The following DNAH6 variants were observed in gnomAD, a reference collection of about 807,000 sequenced individuals.
DNAH6 encodes the protein dynein axonemal heavy chain 6.
In DNAH6, 340 loss-of-function variants were observed where a neutral mutation model predicts 491.4. The ratio of observed to expected loss-of-function variants is 0.69; its 90% CI spans 0.63 to 0.76. DNAH6 has a LOEUF of 0.76. Ranked by LOEUF, DNAH6 falls within the 30% of genes least tolerant of loss-of-function variation. DNAH6 has a pLI of 0.00. For missense variants in DNAH6, 4,443 were observed against 4,972.2 expected, an observed-to-expected ratio of 0.89 and a Z score of 3.20; for synonymous variants, 1,603 against 1,686.1, an observed-to-expected ratio of 0.95 and a Z score of 1.21.
At chr2:84,595,047 G>A (rs760191088) in intron 17 of DNAH6, among the ~76,000 whole-genome samples, 2 of 152,078 alleles carry the variant, frequency 1.3e-5, no homozygotes, top group Admixed American at 6.6e-5. Context: ...GGCTTCCACC[G>A]TAGGATGCAT....
the DNAH6 span, among the ~76,000 whole-genome samples, chr2:84,493,812 A>G: frequency 6.6e-6 from 1 of 152,202 alleles, no homozygotes; most frequent in African/African-American, 2.4e-5. Flanking sequence ...AAGATGAGTA[A>G]AGGGGTGAGA....
chr2:84,588,895 G>T lies in DNAH6; in HGVS notation c.2551G>T (p.Val851Phe), dbSNP rs1213334251. Residue 851 changes from valine to phenylalanine, a missense_variant, in exon 16 of 77, where the codon GTT becomes TTT. By Grantham distance (50) the Val-to-Phe change is conservative. Around this residue, in one of 3 missense-constraint regions of DNAH6, gnomAD observed 2,977 missense variants for 3,296.6 expected, o/e 0.90. Coordinates refer to ENST00000389394, the MANE Select transcript of DNAH6 (RefSeq NM_001370.2). Reference protein sequence around the residue: ...IRLILNNLQSVLADLQKRAFQ... With the variant: ...IRLILNNLQSFLADLQKRAFQ... ...GCTCATATTGAATAATCTGCAATCT[G>T]TTCTGGCTGATCTTCAGAAACGTGC... 1 of 1,550,586 alleles carries T rather than the reference G, an allele frequency of 6.4e-7. No homozygotes were observed. The highest frequency in any genetic ancestry group is 8.7e-7 in the Non-Finnish European group (1 of 1,146,470).
intron 40 of DNAH6, 134 bp downstream of exon 40, chr2:84,672,618 A>C (rs777237288): frequency 1.7e-5 from 14 of 811,372 alleles, no homozygotes; most frequent in Admixed American, 2.9e-5. Context: ...ATTTTCTCAT[A>C]ATTCTGAAGA....
At position 84,619,893 on chromosome 2, in the gene DNAH6, GAGGGAGAA is replaced by G. The variant is rs753750188; in HGVS notation, c.3786_3792+1del. 1.1e-4 allele frequency: 174 copies of G among 1,550,514 alleles called. No individual in the cohort carries two copies. Among genetic ancestry groups the G allele is most frequent in the Non-Finnish European group, 1.5e-4 (170 of 1,146,158 alleles). On this transcript the variant is annotated frameshift_variant, in exon 24 of 77. Coordinates refer to ENST00000389394, the MANE Select transcript of DNAH6 (RefSeq NM_001370.2). LOFTEE classifies it high-confidence loss of function. The stretch of plus-strand genomic sequence containing the variant: ...TGATATTTTAGCAATGCTGTCACCA[GAGGGAGAA>G]AGGGTGAGGTGCTTTTATTTATATT...
chr2:84,529,220 C>A, intron 4 of DNAH6, 54 bp downstream of exon 4: 1 of 1,221,782 alleles, frequency 8.2e-7, no homozygotes, highest in Non-Finnish European at 1.1e-6. Flanking sequence ...TAAGATTTCA[C>A]ATATTATTTA....
chr2:84,715,649 G>T, intron 58 of DNAH6, 22 bp downstream of exon 58: 1 of 1,544,864 alleles, frequency 6.5e-7, no homozygotes. Context: ...GGGAGTTGAG[G>T]GGAGGGAAGG....
At chr2:84,521,491 T>C (rs1176921357) in intron 2 of DNAH6, among the ~76,000 whole-genome samples, 2 of 152,190 alleles carry the variant, frequency 1.3e-5, no homozygotes, top group Non-Finnish European at 2.9e-5. Context: ...ATCCCATTTG[T>C]CAATTTTTGA....
At position 84,673,336 on chromosome 2, in the gene DNAH6, G is replaced by T. The variant is rs146647909; in HGVS notation, c.6612+852G>T. Among the ~76,000 whole-genome samples, 41 of 152,278 alleles carry T rather than the reference G, an allele frequency of 2.7e-4. No homozygotes were observed. The East Asian group carries it at 7.7e-3, about 29-fold the overall frequency. ...GCTGCTGAAGGAAATGTTATGGAAA[G>T]ATCCCCTTGGCTGCAGGGGAGGGAT... On this transcript the variant is annotated intron_variant, in intron 40 of 76. Transcript: ENST00000389394.
At chr2:84,765,853 G>T (rs1312656244) in intron 64 of DNAH6, among the ~76,000 whole-genome samples, 1 of 151,876 alleles carries the variant, frequency 6.6e-6, no homozygotes, top group African/African-American at 2.4e-5. Flanking sequence ...AATACAGAAG[G>T]TAGAAAATAA....
intron 64 of DNAH6, among the ~76,000 whole-genome samples, chr2:84,772,678 T>C (rs573190046): frequency 1.3e-5 from 2 of 152,108 alleles, no homozygotes; most frequent in Admixed American, 6.5e-5. Flanking sequence ...AAGGCAGAGA[T>C]AGTTCAATGA....
intron 11 of DNAH6, among the ~76,000 whole-genome samples, chr2:84,572,365 T>C (rs1681984127): frequency 1.3e-5 from 2 of 152,230 alleles, no homozygotes; most frequent in African/African-American, 4.8e-5. Flanking sequence ...TGTTTCAAAA[T>C]AAAAATGTTT....
At chr2:84,680,633 T>G (rs1693691986) in intron 41 of DNAH6, among the ~76,000 whole-genome samples, 1 of 146,610 alleles carries the variant, frequency 6.8e-6, no homozygotes, top group Admixed American at 6.8e-5. Flanking sequence ...TGGGGAGCAA[T>G]GGAAGGGAGG....
intron 64 of DNAH6, among the ~76,000 whole-genome samples, chr2:84,779,492 G>A (rs762195388): frequency 1.0e-3 from 156 of 152,262 alleles, no homozygotes; most frequent in Non-Finnish European, 1.7e-3. Context: ...TTGCATGATA[G>A]ATCTTTCTCC....
chr2:84,519,178 G>A (rs1675895908), intron 2 of DNAH6, among the ~76,000 whole-genome samples: 1 of 151,998 alleles, frequency 6.6e-6, no homozygotes, highest in African/African-American at 2.4e-5. Flanking sequence ...TGTATCAACT[G>A]ACAGATATCT....
intron 22 of DNAH6, among the ~76,000 whole-genome samples, chr2:84,616,632 A>G (rs146935761): frequency 1.3e-5 from 2 of 152,242 alleles, no homozygotes; most frequent in East Asian, 3.9e-4. Context: ...CTGGACATCC[A>G]GATTGGTAAA....
chr2:84,481,281 G>A, the DNAH6 span, among the ~76,000 whole-genome samples: 1 of 152,104 alleles, frequency 6.6e-6, no homozygotes, highest in African/African-American at 2.4e-5. Flanking sequence ...ATGATTTTAG[G>A]CAAAGACTTT....
chr2:84,699,495 A>G, intron 47 of DNAH6, 99 bp from the exon 48 acceptor site: 1 of 1,024,938 alleles, frequency 9.8e-7, no homozygotes, highest in Non-Finnish European at 1.4e-6. Context: ...CTGACATTTT[A>G]TATTTGATAT....
intron 63 of DNAH6, among the ~76,000 whole-genome samples, chr2:84,757,532 A>G (rs997223058): frequency 3.9e-5 from 6 of 152,236 alleles, no homozygotes; most frequent in African/African-American, 1.2e-4. Context: ...TATTCAGGCC[A>G]TTATGCCACT....
chr2:84,642,080 A>G (rs767253469), intron 33 of DNAH6, 26 bp downstream of exon 33: 77 of 1,441,872 alleles, frequency 5.3e-5, no homozygotes, highest in Non-Finnish European at 6.3e-5. Flanking sequence ...TTACCAAGTA[A>G]AGCATGGCTA....
Sources: gnomAD v4.1 joint callset for allele counts (sites outside exome capture counted in the v4.1 genomes callset) on GRCh38, gnomAD v4.1.1 for gene constraint, gnomAD v4.1.1 regional missense constraint, MANE v1.5 for transcripts, NCBI Gene and HGNC (gene_info 2026-07-23, HGNC 2026-07-21) for gene names.